NLGN1: variants seen among roughly 807,000 people sequenced by gnomAD.
The protein encoded by NLGN1 is neuroligin-1.
NLGN1 carries 12 observed loss-of-function variants against 65.5 expected under a neutral mutation model. The observed-to-expected ratio is 0.18, with a 90% confidence interval of 0.12 to 0.30. The LOEUF (loss-of-function observed/expected upper bound fraction) is 0.30. Ranked by LOEUF, NLGN1 falls within the 10% of genes least tolerant of loss-of-function variation. NLGN1 has a pLI of 1.00. For synonymous variants in NLGN1, 350 were observed against 359.5 expected, an observed-to-expected ratio of 0.97 and a Z score of 0.30; for missense variants, 750 against 1,007.1, an observed-to-expected ratio of 0.74 and a Z score of 3.46.
intron 3 of NLGN1, among the ~76,000 whole-genome samples, chr3:173,664,339 C>A (rs1251845542): frequency 6.6e-6 from 1 of 151,920 alleles, no homozygotes; most frequent in African/African-American, 2.4e-5. Context: ...TTGTATCTAC[C>A]ATCTCTTATC....
intron 2 of NLGN1, among the ~76,000 whole-genome samples, chr3:173,477,505 G>C (rs9812814): frequency 0.14 from 20,977 of 152,108 alleles, 1,566 homozygotes; most frequent in Middle Eastern, 0.24. Context: ...GATCCTGCCA[G>C]TGCATTCCAA....
intron 3 of NLGN1, among the ~76,000 whole-genome samples, chr3:173,750,352 T>TC (rs1174716719): frequency 2.6e-5 from 4 of 152,078 alleles, no homozygotes; most frequent in Non-Finnish European, 5.9e-5. Context: ...CCCTTATGAT[T>TC]CCTGTGTTTG....
chr3:173,470,638 A>G (rs897005346), intron 2 of NLGN1, among the ~76,000 whole-genome samples: 1 of 152,116 alleles, frequency 6.6e-6, no homozygotes, highest in Non-Finnish European at 1.5e-5. Flanking sequence ...TAAAGCTGTT[A>G]TAGAATTAAA....
chr3:173,933,029 A>C (rs1194170903), intron 4 of NLGN1, among the ~76,000 whole-genome samples: 1 of 152,200 alleles, frequency 6.6e-6, no homozygotes, highest in Non-Finnish European at 1.5e-5. Context: ...AAGAATCACA[A>C]GAAGTCCTAA....
At chr3:173,680,561 G>A (rs912053518) in intron 3 of NLGN1, among the ~76,000 whole-genome samples, 3 of 152,030 alleles carry the variant, frequency 2.0e-5, no homozygotes, top group African/African-American at 7.2e-5. Context: ...CTGAAAAAAC[G>A]AAATTCAGTT....
chr3:174,204,160 C>A (rs1293849120), intron 4 of NLGN1, among the ~76,000 whole-genome samples: 1 of 151,958 alleles, frequency 6.6e-6, no homozygotes, highest in Admixed American at 6.6e-5. Flanking sequence ...AGCAGTAGGG[C>A]TTTTTGTTTT....
At chr3:174,173,531 GATATGA>G (rs1577212187) in intron 4 of NLGN1, among the ~76,000 whole-genome samples, 3 of 151,910 alleles carry the variant, frequency 2.0e-5, no homozygotes, top group Admixed American at 2.0e-4. Context: ...ATTATGAAGG[GATATGA>G]ATTTTATGAA....
intron 4 of NLGN1, among the ~76,000 whole-genome samples, chr3:174,085,816 A>T (rs1356249810): frequency 1.3e-5 from 2 of 152,070 alleles, no homozygotes; most frequent in African/African-American, 4.8e-5. Flanking sequence ...CCACTTTTTT[A>T]AATGAGCTAT....
chr3:174,082,982 C>T (rs1326705113), intron 4 of NLGN1, among the ~76,000 whole-genome samples: 1 of 152,216 alleles, frequency 6.6e-6, no homozygotes, highest in Non-Finnish European at 1.5e-5. Flanking sequence ...CCATTTCGGC[C>T]TCCCGAAGGG....
At chr3:173,566,148 T>TA (rs1269758844) in intron 2 of NLGN1, among the ~76,000 whole-genome samples, 2 of 152,236 alleles carry the variant, frequency 1.3e-5, no homozygotes, top group Admixed American at 1.3e-4. Flanking sequence ...CAAATTAACC[T>TA]AAAAAAGAGC....
At chr3:173,464,539 G>A (rs979640320) in intron 2 of NLGN1, among the ~76,000 whole-genome samples, 7 of 151,184 alleles carry the variant, frequency 4.6e-5, no homozygotes, top group Admixed American at 6.6e-5. Flanking sequence ...GGGTTCAAGC[G>A]ATTCTCCTGC....
chr3:173,607,514 A>G (rs1183945823), intron 3 of NLGN1, among the ~76,000 whole-genome samples: 4 of 151,048 alleles, frequency 2.6e-5, no homozygotes, highest in African/African-American at 9.8e-5. Context: ...TTATATAAAT[A>G]GTATTTTTAA....
intron 4 of NLGN1, among the ~76,000 whole-genome samples, chr3:173,933,901 A>G (rs1744582852): frequency 1.3e-5 from 2 of 152,034 alleles, no homozygotes; most frequent in African/African-American, 4.8e-5. Context: ...TATCTGTCAG[A>G]TCACAGTCCT....
chr3:173,460,736 A>G (rs1287248962), intron 2 of NLGN1, among the ~76,000 whole-genome samples: 1 of 152,180 alleles, frequency 6.6e-6, no homozygotes, highest in Non-Finnish European at 1.5e-5. Context: ...ACAAATGGTA[A>G]GGAAATTGTA....
chr3:173,769,823 T>TA (rs891416273), intron 3 of NLGN1, among the ~76,000 whole-genome samples: 43 of 152,294 alleles, frequency 2.8e-4, no homozygotes, highest in African/African-American at 1.0e-3. Context: ...TTGAGCTATC[T>TA]AAAAAAGAGT....
chr3:173,641,883 C>T (rs1292767190), intron 3 of NLGN1, among the ~76,000 whole-genome samples: 1 of 152,080 alleles, frequency 6.6e-6, no homozygotes, highest in African/African-American at 2.4e-5. Flanking sequence ...TCTATTTTCA[C>T]ACTACAATGG....
chr3:174,194,187 G>A (rs572429166), intron 4 of NLGN1, among the ~76,000 whole-genome samples: 19 of 152,086 alleles, frequency 1.2e-4, no homozygotes, highest in Admixed American at 7.2e-4. Flanking sequence ...GGCCAGGCGC[G>A]GTGGCTCACA....
At chr3:174,171,811 C>A (rs1159662343) in intron 4 of NLGN1, among the ~76,000 whole-genome samples, 1 of 152,132 alleles carries the variant, frequency 6.6e-6, no homozygotes, top group Non-Finnish European at 1.5e-5. Flanking sequence ...CCACCTCTCA[C>A]CCCAAGTTTG....
chr3:173,509,393 C>A (rs1035567799), intron 2 of NLGN1, among the ~76,000 whole-genome samples: 5 of 151,886 alleles, frequency 3.3e-5, no homozygotes, highest in African/African-American at 4.8e-5. Flanking sequence ...TTTTTGATAT[C>A]AAAAATGTAT....
Sources: gnomAD v4.1 joint callset for allele counts (sites outside exome capture counted in the v4.1 genomes callset) on GRCh38, gnomAD v4.1.1 for gene constraint, MANE v1.5 for transcripts, NCBI Gene and HGNC (gene_info 2026-07-23, HGNC 2026-07-21) for gene names.